Variants in KLHL1 observed in about 807,000 individuals in gnomAD.
KLHL1 encodes kelch-like protein 1.
KLHL1 carries 47 observed loss-of-function variants against 77.7 expected under a neutral mutation model. The ratio of observed to expected loss-of-function variants is 0.60; its 90% CI spans 0.48 to 0.77. KLHL1 has a LOEUF of 0.77. KLHL1 is among the 30% of genes least tolerant of loss of function. The pLI is 0.00. For missense variants in KLHL1, 925 were observed against 910.8 expected, an observed-to-expected ratio of 1.02 and a Z score of -0.20; for synonymous variants, 360 against 325.2, an observed-to-expected ratio of 1.11 and a Z score of -1.15.
At chr13:69,838,738 C>CT in intron 6 of KLHL1, among the ~76,000 whole-genome samples, 1 of 151,728 alleles carries the variant, frequency 6.6e-6, no homozygotes, top group East Asian at 1.9e-4. Context: ...ATTCAAATCT[C>CT]TTTTTTATTT....
chr13:69,778,951 A>G (rs1215839881), intron 7 of KLHL1, among the ~76,000 whole-genome samples: 1 of 151,858 alleles, frequency 6.6e-6, no homozygotes, highest in East Asian at 1.9e-4. Context: ...GGCACACGCC[A>G]CCATACCCAG....
chr13:69,860,757 C>A (rs893788126), intron 5 of KLHL1, among the ~76,000 whole-genome samples: 4 of 144,274 alleles, frequency 2.8e-5, no homozygotes, highest in Non-Finnish European at 6.1e-5. Flanking sequence ...TTAAGATGAA[C>A]AATAATAGAT....
At chr13:69,951,614 T>C (rs1217593502) in intron 3 of KLHL1, among the ~76,000 whole-genome samples, 3 of 151,536 alleles carry the variant, frequency 2.0e-5, no homozygotes, top group Non-Finnish European at 3.0e-5. Context: ...GAGGCCACCA[T>C]ACCCACTTCC....
chr13:70,039,560 C>T (rs993479940), intron 1 of KLHL1, among the ~76,000 whole-genome samples: 14 of 151,600 alleles, frequency 9.2e-5, no homozygotes, highest in African/African-American at 3.2e-4. Flanking sequence ...AGATTTATTG[C>T]CATTTTATTT....
intron 1 of KLHL1, among the ~76,000 whole-genome samples, chr13:70,065,451 G>A (rs1466229108): frequency 6.6e-6 from 1 of 152,130 alleles, no homozygotes; most frequent in Non-Finnish European, 1.5e-5. Flanking sequence ...GGGAGATATG[G>A]AAAGCATTTG....
chr13:69,996,910 A>ATTTTTTTTTTTTTTTTTTT (rs10549532), intron 1 of KLHL1, among the ~76,000 whole-genome samples: 16 of 71,234 alleles, frequency 2.2e-4, no homozygotes, highest in East Asian at 5.6e-4. Flanking sequence ...TATTCATTAA[A>ATTTTTTTTTTTTTTTTTTT]TTTTTTTTTT....
chr13:69,816,172 C>T (rs1343978915), intron 6 of KLHL1, among the ~76,000 whole-genome samples: 1 of 151,712 alleles, frequency 6.6e-6, no homozygotes, highest in Non-Finnish European at 1.5e-5. Context: ...TCTAAATCAG[C>T]TGGTTGACAT....
chr13:70,026,711 T>A, intron 1 of KLHL1, among the ~76,000 whole-genome samples: 1 of 30,848 alleles, frequency 3.2e-5, no homozygotes, highest in African/African-American at 5.1e-5. Context: ...AGGGTGTGTG[T>A]GTGTGTGTGT....
chr13:70,077,156 A>G (rs1887285569), intron 1 of KLHL1, among the ~76,000 whole-genome samples: 1 of 151,966 alleles, frequency 6.6e-6, no homozygotes, highest in Non-Finnish European at 1.5e-5. Context: ...ACATGGATTC[A>G]TGCACATTTT....
chr13:70,001,614 T>TCTATCTAC (rs1555289482), intron 1 of KLHL1, among the ~76,000 whole-genome samples: 6 of 148,302 alleles, frequency 4.0e-5, no homozygotes, highest in Non-Finnish European at 7.5e-5. Flanking sequence ...TATCTATCTA[T>TCTATCTAC]CTACCTATCA....
At chr13:70,100,584 T>G (rs8001583) in intron 1 of KLHL1, among the ~76,000 whole-genome samples, 3,697 of 152,244 alleles carry the variant, frequency 0.024, 107 homozygotes, top group African/African-American at 0.069. Context: ...CCACCAACCT[T>G]GGCCTCCCAA....
intron 3 of KLHL1, among the ~76,000 whole-genome samples, chr13:69,955,214 A>G (rs762326798): frequency 6.6e-6 from 1 of 151,434 alleles, no homozygotes; most frequent in Non-Finnish European, 1.5e-5. Context: ...TTTAAATGGT[A>G]AGCTCCAGGC....
At chr13:69,939,432 G>T (rs577642609) in intron 4 of KLHL1, among the ~76,000 whole-genome samples, 1,640 of 136,874 alleles carry the variant, frequency 0.012, 16 homozygotes, top group Middle Eastern at 0.063. Flanking sequence ...TATAAAATAG[G>T]CTTCAATTTT....
intron 5 of KLHL1, among the ~76,000 whole-genome samples, chr13:69,866,165 G>GCTCTTGAGAAGCATAAGCA (rs1406814178): frequency 2.0e-5 from 3 of 152,082 alleles, no homozygotes; most frequent in Non-Finnish European, 2.9e-5. Context: ...CACTTATGCT[G>GCTCTTGAGAAGCATAAGCA]AATTGCGGCA....
chr13:69,734,518 C>T (rs1593783310), intron 8 of KLHL1, among the ~76,000 whole-genome samples: 1 of 151,902 alleles, frequency 6.6e-6, no homozygotes, highest in East Asian at 1.9e-4. Context: ...AGAACTAAGT[C>T]AAACGAAAAT....
intron 1 of KLHL1, among the ~76,000 whole-genome samples, chr13:70,005,959 ATT>A (rs1885395712): frequency 6.6e-6 from 1 of 151,902 alleles, no homozygotes; most frequent in Non-Finnish European, 1.5e-5. Flanking sequence ...TCTCTAGACC[ATT>A]TTCATCTTGC....
At chr13:69,706,245 A>G (rs897661782) in intron 10 of KLHL1, among the ~76,000 whole-genome samples, 1 of 151,824 alleles carries the variant, frequency 6.6e-6, no homozygotes, top group Middle Eastern at 3.4e-3. Flanking sequence ...ATCTCTTGAT[A>G]TTTCCCCTTC....
rs574145613 is a variant in KLHL1 at position 70,054,766 on chromosome 13, T to C, written c.497+52437A>G. On this transcript the variant is annotated intron_variant, in intron 1 of 10. Coordinates refer to ENST00000377844, the MANE Select transcript of KLHL1 (RefSeq NM_020866.3). ...AAACAGAAATTCTGGAGCTGAAAAA[T>C]TCAAAAGAAAAACTAAAGAATGCAT... Among the ~76,000 whole-genome samples, 477 of 147,756 alleles carry C rather than the reference T, an allele frequency of 3.2e-3. 4 individuals are homozygous for C. The highest frequency in any genetic ancestry group is 0.011 in the African/African-American group (460 of 40,290).
chr13:69,821,549 A>AGG (rs1878336282), intron 6 of KLHL1, among the ~76,000 whole-genome samples: 1 of 152,094 alleles, frequency 6.6e-6, no homozygotes, highest in Admixed American at 6.5e-5. Context: ...TCCTGACCTC[A>AGG]GCTGATCCGC....
Sources: gnomAD v4.1 joint callset for allele counts (sites outside exome capture counted in the v4.1 genomes callset) on GRCh38, gnomAD v4.1.1 for gene constraint, MANE v1.5 for transcripts, NCBI Gene and HGNC (gene_info 2026-07-23, HGNC 2026-07-21) for gene names.